SYNPO2: variants seen among roughly 807,000 people sequenced by gnomAD.
SYNPO2 encodes synaptopodin 2, also known as synaptopodin-2.
SYNPO2 carries 56 observed loss-of-function variants against 85.0 expected under a neutral mutation model. The ratio of observed to expected loss-of-function variants is 0.66; its 90% confidence interval spans 0.53 to 0.82. The LOEUF is 0.82. SYNPO2 is among the 40% of genes least tolerant of loss of function. SYNPO2 has a pLI of 0.00. For synonymous variants in SYNPO2, 602 were observed against 591.1 expected (o/e 1.02, Z -0.27); for missense variants, 1,575 against 1,534.2 (o/e 1.03, Z -0.44).
At chr4:118,990,711 C>T (rs973092772) in intron 1 of SYNPO2, among the ~76,000 whole-genome samples, 12 of 152,136 alleles carry the variant, frequency 7.9e-5, no homozygotes, top group South Asian at 4.1e-4. Flanking sequence ...CGGGTTCAAG[C>T]GATGCTCGTG....
intron 1 of SYNPO2, among the ~76,000 whole-genome samples, chr4:118,939,240 C>A (rs1734220166): frequency 6.6e-6 from 1 of 152,160 alleles, no homozygotes. Context: ...ATATTTATAG[C>A]ATTGCCAGTT....
chr4:119,023,051 C>T (rs1737799781), intron 1 of SYNPO2, among the ~76,000 whole-genome samples: 1 of 152,040 alleles, frequency 6.6e-6, no homozygotes, highest in Non-Finnish European at 1.5e-5. Context: ...GCTGGGATTA[C>T]AGGCATAAGC....
chr4:119,052,021 G>A (rs142469918), intron 4 of SYNPO2, among the ~76,000 whole-genome samples: 51 of 152,300 alleles, frequency 3.3e-4, no homozygotes, highest in African/African-American at 1.2e-3. Flanking sequence ...ACCTCAAGCT[G>A]TGTGCAAGAA....
chr4:118,965,481 C>T (rs551691041), intron 1 of SYNPO2, among the ~76,000 whole-genome samples: 1 of 152,058 alleles, frequency 6.6e-6, no homozygotes, highest in Non-Finnish European at 1.5e-5. Context: ...TTCATGCATC[C>T]CCCAAATTCA....
intron 1 of SYNPO2, among the ~76,000 whole-genome samples, chr4:118,923,686 C>A (rs757401253): frequency 2.0e-5 from 3 of 152,260 alleles, no homozygotes; most frequent in Admixed American, 6.5e-5. Context: ...TGTAGCATCT[C>A]TTCTAGAATG....
At chr4:118,880,136 G>T (rs1732053357) in intron 1 of SYNPO2, among the ~76,000 whole-genome samples, 1 of 152,188 alleles carries the variant, frequency 6.6e-6, no homozygotes, top group East Asian at 1.9e-4. Flanking sequence ...TAAGGAAATT[G>T]TAAGGGTCTG....
chr4:118,960,507 T>C (rs1011273358), intron 1 of SYNPO2, among the ~76,000 whole-genome samples: 6 of 152,132 alleles, frequency 3.9e-5, no homozygotes, highest in Non-Finnish European at 8.8e-5. Context: ...AGGAAACTAA[T>C]ATATTAGGTA....
intron 1 of SYNPO2, among the ~76,000 whole-genome samples, chr4:118,907,345 C>T (rs1732972588): frequency 6.6e-6 from 1 of 152,118 alleles, no homozygotes; most frequent in Non-Finnish European, 1.5e-5. Context: ...CACTAGAAAT[C>T]CCAAAGAAAC....
intron 1 of SYNPO2, among the ~76,000 whole-genome samples, chr4:119,014,845 GT>G (rs1228543970): frequency 1.3e-5 from 2 of 152,170 alleles, no homozygotes; most frequent in South Asian, 2.1e-4. Flanking sequence ...GCACCAGACA[GT>G]TTTTTTGTCA....
At chr4:118,994,492 G>A (rs1381268686) in intron 1 of SYNPO2, among the ~76,000 whole-genome samples, 3 of 152,156 alleles carry the variant, frequency 2.0e-5, no homozygotes, top group East Asian at 3.9e-4. Flanking sequence ...ATTGAGAGAT[G>A]GAGTGACAAT....
rs943558414 is a variant in SYNPO2, at chr4:119,060,026, G to C, written c.*2092G>C. Reference sequence around the variant, plus strand: ...TTATTATAGTGGTTTAATCATTTTAGATTTGAATGTTTTAAGATAGGAGAG... The same window carrying C: ...TTATTATAGTGGTTTAATCATTTTACATTTGAATGTTTTAAGATAGGAGAG... On this transcript the variant is annotated 3_prime_UTR_variant, in exon 5 of 5. Coordinates refer to ENST00000307142, the MANE Select transcript of SYNPO2 (RefSeq NM_133477.3). The C allele has an allele frequency of 6.6e-6, 1 of 152,090 alleles. No individual in the cohort carries two copies. Among genetic ancestry groups the C allele is most frequent in the South Asian group, 2.1e-4 (1 of 4,828 alleles). The allele number at this position is 152,090 out of a possible 1,614,324, so 9.4% of individuals were successfully genotyped here. A position where few individuals can be genotyped will look rare whatever the true frequency, so the allele number is the denominator to read the frequency against.
At chr4:118,878,882 T>C (rs187098408) in intron 1 of SYNPO2, among the ~76,000 whole-genome samples, 119 of 152,326 alleles carry the variant, frequency 7.8e-4, no homozygotes, top group African/African-American at 2.8e-3. Flanking sequence ...TTCTGTCTTG[T>C]GGATGTTTTG....
chr4:118,988,711 C>T (rs1054111737), intron 1 of SYNPO2, among the ~76,000 whole-genome samples: 14 of 152,182 alleles, frequency 9.2e-5, no homozygotes, highest in Admixed American at 8.5e-4. Flanking sequence ...CAGGTCCAGA[C>T]ATCCTGTGTG....
At chr4:119,036,839 G>T (rs1427393250) in intron 4 of SYNPO2, 3 of 1,074,222 alleles carry the variant, frequency 2.8e-6, no homozygotes, top group Non-Finnish European at 3.4e-6. Flanking sequence ...TGAATAAAGA[G>T]AAATTTAATT....
chr4:118,860,562 GT>G (rs34881544), intron 1 of SYNPO2, among the ~76,000 whole-genome samples: 52,040 of 101,006 alleles, frequency 0.52, 11,360 homozygotes, highest in Admixed American at 0.64. Flanking sequence ...CTTTTTTTTT[GT>G]TTTTTTTTTT....
chr4:118,948,833 C>T (rs1025546038), intron 1 of SYNPO2, among the ~76,000 whole-genome samples: 1 of 152,144 alleles, frequency 6.6e-6, no homozygotes, highest in Non-Finnish European at 1.5e-5. Context: ...GATTAAATTT[C>T]AATATGAGAT....
At chr4:119,022,276 A>T (rs1324921968) in intron 1 of SYNPO2, among the ~76,000 whole-genome samples, 1 of 152,096 alleles carries the variant, frequency 6.6e-6, no homozygotes, top group Non-Finnish European at 1.5e-5. Flanking sequence ...AATTTATTGT[A>T]ATGCAGGAGG....
chr4:119,032,810 G>A (rs1186832991), intron 4 of SYNPO2: 18 of 880,072 alleles, frequency 2.0e-5, no homozygotes, highest in Admixed American at 1.2e-4. Flanking sequence ...GCTTGAGGCC[G>A]GGAGTTGGAG....
At chr4:119,029,776 C>G (rs1230269065) in intron 3 of SYNPO2, 69 bp from the exon 4 acceptor site, 1 of 1,458,218 alleles carries the variant, frequency 6.9e-7, no homozygotes, top group Non-Finnish European at 9.1e-7. Flanking sequence ...GAGTTCATTT[C>G]TGAGTTGCTG....
Sources: gnomAD v4.1 joint callset for allele counts (sites outside exome capture counted in the v4.1 genomes callset) on GRCh38, gnomAD v4.1.1 for gene constraint, MANE v1.5 for transcripts, NCBI Gene and HGNC (gene_info 2026-07-23, HGNC 2026-07-21) for gene names.